Variants in CACNB4 observed in about 807,000 individuals in gnomAD.
The protein encoded by CACNB4 is voltage-dependent L-type calcium channel subunit beta-4.
A neutral mutation model predicts 71.2 loss-of-function variants in CACNB4; 32 were observed. The ratio of observed to expected loss-of-function variants is 0.45; its 90% CI spans 0.34 to 0.60. The LOEUF is 0.60. Among genes scored for constraint, CACNB4 ranks in the 20% least tolerant of loss-of-function variants. The pLI, the probability that CACNB4 is intolerant of heterozygous loss-of-function variation, is 0.01. For missense variants in CACNB4, 464 were observed against 647.9 expected (o/e 0.72, Z 3.08); for synonymous variants, 231 against 236.9 (o/e 0.97, Z 0.23).
chr2:152,087,915 A>C (rs1035899344), intron 2 of CACNB4, among the ~76,000 whole-genome samples: 1 of 152,094 alleles, frequency 6.6e-6, no homozygotes, highest in African/African-American at 2.4e-5. Flanking sequence ...AAAAGAAAAA[A>C]TCTGAAGCCA....
At chr2:151,918,963 T>C (rs955820945) in intron 2 of CACNB4, among the ~76,000 whole-genome samples, 5 of 152,200 alleles carry the variant, frequency 3.3e-5, no homozygotes, top group African/African-American at 7.2e-5. Flanking sequence ...AAAAGGTATG[T>C]AGGAGGGCTG....
chr2:151,885,432 T>G (rs1435641946), intron 2 of CACNB4, among the ~76,000 whole-genome samples: 1 of 152,210 alleles, frequency 6.6e-6, no homozygotes, highest in Admixed American at 6.5e-5. Flanking sequence ...AGCCAGCAGA[T>G]TCACATCCCA....
chr2:152,067,413 G>A (rs1560175901), intron 2 of CACNB4, among the ~76,000 whole-genome samples: 1 of 150,996 alleles, frequency 6.6e-6, no homozygotes, highest in Non-Finnish European at 1.5e-5. Context: ...CTCTCACTGT[G>A]TTGCCCAGGC....
chr2:151,852,653 G>A lies in CACNB4; in HGVS notation c.1116+795C>T, dbSNP rs1489841742. On this transcript the variant is annotated intron_variant, in intron 12 of 13. Transcript: ENST00000539935. ...CCAAATATCTGGCTCCAGAGTCTGT[G>A]CTTTTACAGGTTATGCTGTGTTGCC... 2.6e-5 allele frequency: 4 copies of A among 152,188 alleles called. No homozygotes were observed. The East Asian group carries it at 5.8e-4, about 22-fold the overall frequency. The allele number at this position is 152,188 out of a possible 1,614,324, so 9.4% of individuals were successfully genotyped here. A position where few individuals can be genotyped will look rare whatever the true frequency, so the allele number is the denominator to read the frequency against.
At chr2:151,975,207 A>C (rs1337928758) in intron 2 of CACNB4, among the ~76,000 whole-genome samples, 2 of 152,252 alleles carry the variant, frequency 1.3e-5, no homozygotes, top group Admixed American at 1.3e-4. Flanking sequence ...GCTCAGCACA[A>C]GAGTAACTGG....
At chr2:152,083,621 C>A (rs1687487842) in intron 2 of CACNB4, among the ~76,000 whole-genome samples, 1 of 152,220 alleles carries the variant, frequency 6.6e-6, no homozygotes, top group South Asian at 2.1e-4. Context: ...TTGGAACATA[C>A]AATATCTGAA....
At chr2:152,067,775 C>A (rs542530129) in intron 2 of CACNB4, among the ~76,000 whole-genome samples, 1 of 152,228 alleles carries the variant, frequency 6.6e-6, no homozygotes, top group East Asian at 1.9e-4. Flanking sequence ...TCTACTAAAA[C>A]TCTTACCTGT....
chr2:151,904,727 G>A (rs891672919), intron 2 of CACNB4, among the ~76,000 whole-genome samples: 5 of 152,050 alleles, frequency 3.3e-5, no homozygotes, highest in African/African-American at 1.2e-4. Context: ...TAGAGACGGG[G>A]TTTCACCATG....
At chr2:152,051,103 C>T (rs1685405833) in intron 2 of CACNB4, among the ~76,000 whole-genome samples, 1 of 152,044 alleles carries the variant, frequency 6.6e-6, no homozygotes, top group African/African-American at 2.4e-5. Flanking sequence ...CCACCAACCA[C>T]AGAAAAAAAC....
At position 152,067,385 on chromosome 2, in the gene CACNB4, GT is replaced by G. The variant is rs1451105704; in HGVS notation, c.147+30944del. On this transcript the variant is annotated intron_variant, in intron 2 of 13. Transcript: ENST00000539935. Reference sequence around the variant, plus strand: ...TTTTGTTTTTTATAGAGATGTGTGTGTGTGGGGGGGGGGGTGCCTCTCACTG... The same window carrying G: ...TTTTGTTTTTTATAGAGATGTGTGTGGTGGGGGGGGGGGTGCCTCTCACTG... 4.3e-3 allele frequency among the ~76,000 whole-genome samples: 637 copies of G among 146,996 alleles called. 12 individuals carry two copies. Among genetic ancestry groups the G allele is most frequent in the African/African-American group, 0.015 (582 of 37,638 alleles).
chr2:152,073,858 A>T (rs1686841301), intron 2 of CACNB4, among the ~76,000 whole-genome samples: 1 of 152,184 alleles, frequency 6.6e-6, no homozygotes, highest in South Asian at 2.1e-4. Flanking sequence ...CAACGGCCTC[A>T]TCTAATGAGG....
intron 2 of CACNB4, among the ~76,000 whole-genome samples, chr2:151,979,217 G>T (rs781544205): frequency 1.3e-5 from 2 of 152,048 alleles, no homozygotes; most frequent in Admixed American, 6.5e-5. Flanking sequence ...GCGGAGACAG[G>T]GATAAAGAGG....
chr2:151,873,100 A>G (rs529106897), intron 5 of CACNB4: 1 of 152,332 alleles, frequency 6.6e-6, no homozygotes, highest in South Asian at 2.1e-4. Context: ...TAATAATAAC[A>G]ATAAAACTTT....
intron 2 of CACNB4, among the ~76,000 whole-genome samples, chr2:151,983,138 T>G (rs2151752037): frequency 6.6e-6 from 1 of 152,200 alleles, no homozygotes; most frequent in East Asian, 1.9e-4. Flanking sequence ...ACAAAATGTT[T>G]GTGAGCTAAA....
intron 2 of CACNB4, among the ~76,000 whole-genome samples, chr2:151,976,426 G>A (rs1244123002): frequency 1.3e-5 from 2 of 152,186 alleles, no homozygotes; most frequent in Non-Finnish European, 2.9e-5. Context: ...AGAGGAATTT[G>A]GTGAAATAGA....
intron 2 of CACNB4, among the ~76,000 whole-genome samples, chr2:151,985,944 A>G (rs760757312): frequency 3.3e-5 from 5 of 152,182 alleles, no homozygotes; most frequent in Non-Finnish European, 7.4e-5. Flanking sequence ...AGCTCAGTAA[A>G]GGTTCTAGTA....
chr2:152,018,244 AAC>A (rs1683457642), intron 2 of CACNB4, among the ~76,000 whole-genome samples: 1 of 152,178 alleles, frequency 6.6e-6, no homozygotes, highest in Non-Finnish European at 1.5e-5. Flanking sequence ...CTCAGGCAGA[AAC>A]ACAGCCAGCA....
At chr2:151,851,268 A>G (rs1000092457) in intron 12 of CACNB4, 1 of 152,242 alleles carries the variant, frequency 6.6e-6, no homozygotes, top group African/African-American at 2.4e-5. Context: ...AGAGGATACT[A>G]TTCCTCCTCA....
At chr2:152,041,531 T>C (rs897416481) in intron 2 of CACNB4, among the ~76,000 whole-genome samples, 5 of 152,212 alleles carry the variant, frequency 3.3e-5, no homozygotes, top group African/African-American at 1.2e-4. Context: ...AGGGATATTA[T>C]TGCTGGTTAT....
Sources: allele counts gnomAD v4.1 joint callset (sites outside exome capture counted in the v4.1 genomes callset), GRCh38; gene constraint gnomAD v4.1.1; transcripts MANE v1.5; gene names NCBI Gene and HGNC (gene_info 2026-07-23, HGNC 2026-07-21).